The following TENM4 variants were observed in gnomAD, a reference collection of about 807,000 sequenced individuals.
The protein encoded by TENM4 is teneurin-4.
In TENM4, 82 loss-of-function variants were observed where a neutral mutation model predicts 243.3. The observed-to-expected ratio is 0.34, with a 90% CI of 0.28 to 0.40. The LOEUF is 0.40. Ranked by LOEUF, TENM4 falls within the 10% of genes least tolerant of loss-of-function variation. TENM4 has a pLI of 1.00. For synonymous variants in TENM4, 1,412 were observed against 1,456.3 expected, an observed-to-expected ratio of 0.97 and a Z score of 0.69; for missense variants, 3,138 against 3,673.3, an observed-to-expected ratio of 0.85 and a Z score of 3.77.
chr11:79,068,536 C>T (rs1245163386), intron 5 of TENM4: 1 of 152,520 alleles, frequency 6.6e-6, no homozygotes, highest in Non-Finnish European at 1.5e-5. Flanking sequence ...CCTCTGTGAT[C>T]TTGGGCAAAT....
chr11:79,128,341 G>C (rs1473153379), intron 4 of TENM4, among the ~76,000 whole-genome samples: 1 of 152,192 alleles, frequency 6.6e-6, no homozygotes, highest in African/African-American at 2.4e-5. Context: ...TGTCTATCAT[G>C]AACTGGGTGC....
intron 26 of TENM4, among the ~76,000 whole-genome samples, chr11:78,710,480 A>G (rs760278096): frequency 5.3e-5 from 8 of 152,210 alleles, no homozygotes; most frequent in Non-Finnish European, 1.0e-4. Flanking sequence ...AGGCAGCCTC[A>G]AGGCTGGGAA....
intron 2 of TENM4, among the ~76,000 whole-genome samples, chr11:79,228,955 G>A (rs1358050536): frequency 6.6e-6 from 1 of 152,090 alleles, no homozygotes; most frequent in Admixed American, 6.6e-5. Context: ...TCCCATGCAG[G>A]ACACATTACA....
chr11:79,423,421 C>T (rs1482541239), intron 1 of TENM4, among the ~76,000 whole-genome samples: 2 of 152,052 alleles, frequency 1.3e-5, no homozygotes, highest in Non-Finnish European at 2.9e-5. Context: ...TGTGCTTTCT[C>T]CCCCATACCA....
chr11:79,400,554 G>A (rs957115869), intron 1 of TENM4, among the ~76,000 whole-genome samples: 2 of 152,166 alleles, frequency 1.3e-5, no homozygotes, highest in Non-Finnish European at 2.9e-5. Flanking sequence ...TGGAACTTCA[G>A]AAGAGGGATG....
intron 7 of TENM4, among the ~76,000 whole-genome samples, chr11:78,902,424 G>A (rs1855949281): frequency 2.0e-5 from 3 of 152,178 alleles, no homozygotes. Flanking sequence ...GACCAACAAA[G>A]CTGGAAGAAG....
intron 23 of TENM4, 150 bp from the exon 24 acceptor site, chr11:78,723,067 C>CCA (rs1055817535): frequency 2.3e-5 from 23 of 1,016,654 alleles, no homozygotes; most frequent in Non-Finnish European, 3.1e-5. Context: ...CCTCACCCCC[C>CCA]CAATGGAACC....
At chr11:79,428,399 C>T (rs1859098672) in intron 1 of TENM4, among the ~76,000 whole-genome samples, 1 of 152,208 alleles carries the variant, frequency 6.6e-6, no homozygotes, top group South Asian at 2.1e-4. Flanking sequence ...GCCTTTGGGT[C>T]ATGCTAAGTC....
intron 7 of TENM4, among the ~76,000 whole-genome samples, chr11:78,892,551 G>A (rs1383481362): frequency 1.3e-5 from 2 of 152,142 alleles, no homozygotes; most frequent in African/African-American, 4.8e-5. Context: ...AGGGATTACA[G>A]TACTGAGCTC....
intron 2 of TENM4, among the ~76,000 whole-genome samples, chr11:79,285,426 G>A (rs1856233010): frequency 6.6e-6 from 1 of 152,132 alleles, no homozygotes; most frequent in African/African-American, 2.4e-5. Context: ...AAATGGCGTA[G>A]CTATATTTGA....
At chr11:79,271,554 C>T (rs189579221) in intron 2 of TENM4, among the ~76,000 whole-genome samples, 7 of 152,354 alleles carry the variant, frequency 4.6e-5, no homozygotes, top group Non-Finnish European at 8.8e-5. Context: ...ACCTCCTTAC[C>T]TTCCCTCATG....
At chr11:79,163,237 G>A (rs1862794932) in intron 3 of TENM4, among the ~76,000 whole-genome samples, 1 of 152,036 alleles carries the variant, frequency 6.6e-6, no homozygotes, top group African/African-American at 2.4e-5. Flanking sequence ...TTTACTGCAG[G>A]CCAGGCACTA....
At chr11:79,300,156 A>G (rs1249641682) in intron 1 of TENM4, among the ~76,000 whole-genome samples, 1 of 152,220 alleles carries the variant, frequency 6.6e-6, no homozygotes, top group Non-Finnish European at 1.5e-5. Context: ...TTTTTTAAAA[A>G]AAGTATTTTC....
At chr11:79,421,706 A>T (rs891591342) in intron 1 of TENM4, among the ~76,000 whole-genome samples, 6 of 119,694 alleles carry the variant, frequency 5.0e-5, no homozygotes, top group African/African-American at 1.4e-4. Flanking sequence ...CTCTGAAATT[A>T]AAAAAAAAAA....
intron 4 of TENM4, among the ~76,000 whole-genome samples, chr11:79,136,616 A>G (rs1862115204): frequency 6.6e-6 from 1 of 152,130 alleles, no homozygotes; most frequent in Non-Finnish European, 1.5e-5. Context: ...TCCATCATGG[A>G]AAAGGCAGAG....
chr11:78,854,981 G>T (rs972707573), intron 11 of TENM4, among the ~76,000 whole-genome samples: 5 of 152,304 alleles, frequency 3.3e-5, no homozygotes, highest in Middle Eastern at 6.8e-3. Context: ...AGAAAAGTCA[G>T]TTACACTGTG....
chr11:79,375,648 G>T (rs1378108974), intron 1 of TENM4, among the ~76,000 whole-genome samples: 1 of 152,056 alleles, frequency 6.6e-6, no homozygotes, highest in Admixed American at 6.6e-5. Flanking sequence ...GATAGACCGG[G>T]TCAACAAAAT....
At chr11:79,106,968 A>C (rs1020985029) in intron 4 of TENM4, among the ~76,000 whole-genome samples, 7 of 152,232 alleles carry the variant, frequency 4.6e-5, no homozygotes, top group African/African-American at 1.7e-4. Context: ...TTATCAAATA[A>C]GTATGCAGCA....
intron 1 of TENM4, among the ~76,000 whole-genome samples, chr11:79,307,538 C>T (rs1447716059): frequency 6.6e-6 from 1 of 152,148 alleles, no homozygotes; most frequent in Admixed American, 6.5e-5. Context: ...CCATAGTCAT[C>T]TCTCAACTGA....
Sources: gnomAD v4.1 joint callset for allele counts (sites outside exome capture counted in the v4.1 genomes callset) on GRCh38, gnomAD v4.1.1 for gene constraint, MANE v1.5 for transcripts, NCBI Gene and HGNC (gene_info 2026-07-23, HGNC 2026-07-21) for gene names.